The following ZNF577 variants were observed in gnomAD, a reference collection of about 807,000 sequenced individuals.
ZNF577 encodes zinc finger protein 577.
In ZNF577, 14 loss-of-function variants were observed where a neutral mutation model predicts 13.9. The observed-to-expected ratio is 1.00, with a 90% CI of 0.66 to 1.57. The LOEUF is 1.57. ZNF577 is among the 40% of genes most tolerant of loss of function. ZNF577 has a pLI of 0.00. For synonymous variants in ZNF577, 203 were observed against 202.9 expected (o/e 1.00, Z 0.00); for missense variants, 555 against 579.2 (o/e 0.96, Z 0.43).
exon 11 of ZNF577, chr19:51,805,202 A>G (rs76823068): frequency 2.6e-5 from 4 of 152,334 alleles, no homozygotes; most frequent in South Asian, 4.1e-4. Flanking sequence ...AGAATGTAAG[A>G]CCAGGCTGGG....
At chr19:51,840,863 A>C (rs1487788250) in intron 8 of ZNF577, 1 of 152,238 alleles carries the variant, frequency 6.6e-6, no homozygotes, top group Non-Finnish European at 1.5e-5. Flanking sequence ...TTTGAAAAAA[A>C]ACTAATAAAA....
intron 5 of ZNF577, among the ~76,000 whole-genome samples, chr19:51,851,719 C>T (rs7249718): frequency 0.38 from 57,366 of 151,968 alleles, 11,951 homozygotes; most frequent in African/African-American, 0.55. Context: ...ATGACCAAGC[C>T]AGCAGCCTAT....
chr19:51,884,154 G>A (rs893582107), intron 1 of ZNF577, among the ~76,000 whole-genome samples: 10 of 151,718 alleles, frequency 6.6e-5, no homozygotes, highest in South Asian at 4.1e-4. Flanking sequence ...GCTCACACCC[G>A]TAATCCTAGC....
chr19:51,852,569 G>A (rs188249794), intron 5 of ZNF577, among the ~76,000 whole-genome samples: 1 of 150,890 alleles, frequency 6.6e-6, no homozygotes, highest in Non-Finnish European at 1.5e-5. Flanking sequence ...AGGAAGAAGG[G>A]AACAGACAGG....
chr19:51,829,816 G>A (rs2084252489), intron 9 of ZNF577, among the ~76,000 whole-genome samples: 1 of 152,160 alleles, frequency 6.6e-6, no homozygotes, highest in Non-Finnish European at 1.5e-5. Context: ...TGCTGCTGAG[G>A]CCAGTGCCTC....
At chr19:51,839,236 T>C (rs1395075710) in intron 9 of ZNF577, among the ~76,000 whole-genome samples, 1 of 152,040 alleles carries the variant, frequency 6.6e-6, no homozygotes, top group Non-Finnish European at 1.5e-5. Context: ...CATCAAGAAA[T>C]AAATTATGTT....
intron 5 of ZNF577, among the ~76,000 whole-genome samples, chr19:51,857,168 G>C (rs939518273): frequency 7.2e-5 from 11 of 151,994 alleles, no homozygotes; most frequent in African/African-American, 2.7e-4. Context: ...GTGTGATGGC[G>C]CACGCCTGTA....
At chr19:51,880,600 C>A in intron 2 of ZNF577, 79 bp downstream of exon 2, 1 of 582,130 alleles carries the variant, frequency 1.7e-6, no homozygotes. Flanking sequence ...TACACTATCT[C>A]ATTTAACCAG....
chr19:51,857,409 A>G (rs1374265336), intron 5 of ZNF577, among the ~76,000 whole-genome samples: 1 of 124,944 alleles, frequency 8.0e-6, no homozygotes, highest in Non-Finnish European at 1.6e-5. Context: ...AAAGAAAGAA[A>G]GAAAGAAAGA....
At chr19:51,862,307 C>T (rs1008079096), downstream of ZNF577, 6 of 152,574 alleles carry the variant, frequency 3.9e-5, no homozygotes, top group Admixed American at 2.6e-4. Flanking sequence ...TCACTGCATT[C>T]ATGGGATTTC....
At chr19:51,885,365 TCTATA>T (rs1181766806) in intron 1 of ZNF577, among the ~76,000 whole-genome samples, 3 of 152,222 alleles carry the variant, frequency 2.0e-5, no homozygotes. Context: ...CAATGGTTAA[TCTATA>T]CCCTTTTAGC....
At chr19:51,842,579 T>C (rs1337326775) in intron 8 of ZNF577, among the ~76,000 whole-genome samples, 2 of 152,130 alleles carry the variant, frequency 1.3e-5, no homozygotes, top group African/African-American at 4.8e-5. Context: ...AGAAATAAAT[T>C]TCAATTATTT....
chr19:51,810,046 T>C (rs1257684154), intron 10 of ZNF577, among the ~76,000 whole-genome samples: 1 of 152,218 alleles, frequency 6.6e-6, no homozygotes, highest in Non-Finnish European at 1.5e-5. Context: ...GGTGGGGCAC[T>C]GCATTGTAAG....
At chr19:51,878,713 C>A in intron 3 of ZNF577, 198 bp from the exon 4 acceptor site, 1 of 507,772 alleles carries the variant, frequency 2.0e-6, no homozygotes, top group Non-Finnish European at 3.5e-6. Flanking sequence ...AGATATGAAA[C>A]AACATGTAAT....
intron 8 of ZNF577, among the ~76,000 whole-genome samples, chr19:51,841,391 G>A (rs892586584): frequency 1.3e-5 from 2 of 152,068 alleles, no homozygotes; most frequent in African/African-American, 2.4e-5. Flanking sequence ...CAGAAATTTC[G>A]CTGCTGAGGT....
At position 51,870,445 on chromosome 19, in the gene ZNF577, C is replaced by A. The variant is rs1555747368; in HGVS notation, c.*2087G>T. On this transcript the variant is annotated 3_prime_UTR_variant, in exon 6 of 6. Coordinates refer to ENST00000638348, the MANE Select transcript of ZNF577 (RefSeq NM_001370449.1). ...TGAGGAGAGTTCGAGGCAGCCTTTA[C>A]TGTAGAGCAAATCTGAGCCACCCAC... Among the ~76,000 whole-genome samples, 1 of 152,152 alleles carries A rather than the reference C, an allele frequency of 6.6e-6. No homozygotes were observed. The highest frequency in any genetic ancestry group is 1.5e-5 in the Non-Finnish European group (1 of 68,038).
intron 5 of ZNF577, among the ~76,000 whole-genome samples, chr19:51,859,165 A>C (rs777868121): frequency 6.6e-5 from 10 of 152,174 alleles, no homozygotes; most frequent in Non-Finnish European, 1.2e-4. Context: ...TGTCATCAGT[A>C]CTTCATTCAT....
chr19:51,875,102 T>C (rs10424341), intron 5 of ZNF577, among the ~76,000 whole-genome samples: 17,421 of 151,940 alleles, frequency 0.11, 1,977 homozygotes, highest in African/African-American at 0.27. Context: ...GGCGCAGTGC[T>C]TCACGTCTGT....
intron 5 of ZNF577, among the ~76,000 whole-genome samples, chr19:51,848,465 C>T (rs533739666): frequency 1.3e-4 from 20 of 152,252 alleles, no homozygotes; most frequent in African/African-American, 4.6e-4. Context: ...ATTCACAATA[C>T]CCAAGATATG....
Sources: gnomAD v4.1 joint callset for allele counts (sites outside exome capture counted in the v4.1 genomes callset) on GRCh38, gnomAD v4.1.1 for gene constraint, MANE v1.5 for transcripts, NCBI Gene and HGNC (gene_info 2026-07-23, HGNC 2026-07-21) for gene names.